The following MGMT variants were observed in gnomAD, a reference collection of about 807,000 sequenced individuals.
MGMT encodes the protein O-6-methylguanine-DNA methyltransferase.
MGMT carries 14 observed loss-of-function variants against 15.9 expected under a neutral mutation model. The ratio of observed to expected loss-of-function variants is 0.88; its 90% CI spans 0.58 to 1.37. The LOEUF (loss-of-function observed/expected upper bound fraction) is 1.37. Among genes scored for constraint, MGMT ranks in the 40% most tolerant of loss-of-function variants. The pLI, the probability that MGMT is intolerant of heterozygous loss-of-function variation, is 0.00. For synonymous variants in MGMT, 130 were observed against 118.2 expected, an observed-to-expected ratio of 1.10 and a Z score of -0.65; for missense variants, 282 against 268.1, an observed-to-expected ratio of 1.05 and a Z score of -0.36.
At chr10:129,742,742 A>G (rs1848649559) in intron 3 of MGMT, among the ~76,000 whole-genome samples, 1 of 150,384 alleles carries the variant, frequency 6.6e-6, no homozygotes, top group African/African-American at 2.5e-5. Context: ...ATAGCAGCCC[A>G]TGCTCAGAGC....
chr10:129,576,184 A>T (rs1386719058), intron 2 of MGMT, among the ~76,000 whole-genome samples: 1 of 152,256 alleles, frequency 6.6e-6, no homozygotes, highest in East Asian at 1.9e-4. Context: ...AACTCATTTT[A>T]TGAGGCCAGC....
chr10:129,614,274 G>T (rs777377031), intron 2 of MGMT, among the ~76,000 whole-genome samples: 23 of 152,194 alleles, frequency 1.5e-4, no homozygotes, highest in Non-Finnish European at 2.6e-4. Flanking sequence ...CCTCAGGCTG[G>T]ATATGGGCTC....
chr10:129,715,043 C>A (rs1320383774), intron 3 of MGMT, among the ~76,000 whole-genome samples: 2 of 152,184 alleles, frequency 1.3e-5, no homozygotes, highest in African/African-American at 4.8e-5. Flanking sequence ...AGCCCTCACA[C>A]AGAGTAATTT....
At chr10:129,534,417 C>A (rs1845964169) in intron 1 of MGMT, among the ~76,000 whole-genome samples, 1 of 152,102 alleles carries the variant, frequency 6.6e-6, no homozygotes, top group South Asian at 2.1e-4. Flanking sequence ...CGGTTCAAAT[C>A]CCTGTCAGTC....
chr10:129,667,945 G>C (rs1847678394), intron 2 of MGMT, among the ~76,000 whole-genome samples: 1 of 152,050 alleles, frequency 6.6e-6, no homozygotes, highest in South Asian at 2.1e-4. Context: ...TTATTGTGTT[G>C]CCTTATATAG....
intron 1 of MGMT, among the ~76,000 whole-genome samples, chr10:129,509,016 G>A (rs1845654102): frequency 6.6e-6 from 1 of 152,152 alleles, no homozygotes; most frequent in South Asian, 2.1e-4. Context: ...AAATAACTTG[G>A]CAGTTATTTG....
chr10:129,632,866 C>T (rs1055283181), intron 2 of MGMT, among the ~76,000 whole-genome samples: 3 of 151,536 alleles, frequency 2.0e-5, no homozygotes, highest in African/African-American at 7.3e-5. Context: ...TTAGATACGA[C>T]GGAATGAGTT....
intron 3 of MGMT, among the ~76,000 whole-genome samples, chr10:129,756,955 C>T (rs751359495): frequency 1.1e-4 from 17 of 152,158 alleles, no homozygotes; most frequent in Admixed American, 2.0e-4. Context: ...TCTTCAAGAA[C>T]GGGTGTCATT....
At chr10:129,558,215 A>G (rs185271189) in intron 2 of MGMT, among the ~76,000 whole-genome samples, 18 of 152,234 alleles carry the variant, frequency 1.2e-4, no homozygotes, top group African/African-American at 3.9e-4. Context: ...GCCAAATATA[A>G]ATGTATAACA....
At chr10:129,716,569 C>T (rs547270780) in intron 3 of MGMT, among the ~76,000 whole-genome samples, 2 of 152,308 alleles carry the variant, frequency 1.3e-5, no homozygotes, top group South Asian at 2.1e-4. Context: ...TCAAGAGACA[C>T]GTCAGGACTT....
intron 3 of MGMT, among the ~76,000 whole-genome samples, chr10:129,755,105 G>T (rs924552902): frequency 6.6e-6 from 1 of 152,228 alleles, no homozygotes; most frequent in Non-Finnish European, 1.5e-5. Context: ...ACTCTTCTCA[G>T]CCCTCACGTA....
rs937161305 is a variant in MGMT, at chr10:129,770,891, T to TC, written c.*3894_*3895insC. Among the ~76,000 whole-genome samples, 2 of 150,534 alleles carry TC rather than the reference T, an allele frequency of 1.3e-5. No homozygotes were observed. The highest frequency in any genetic ancestry group is 2.5e-5 in the African/African-American group (1 of 40,796). On this transcript the variant is annotated 3_prime_UTR_variant, in exon 5 of 5. Transcript: ENST00000651593. ...GGCCCTGGGGTGGGGGATTTAAATT[T>TC]TTGGCTTCCCTCAGACCTCAGACCG... is the stretch of plus-strand genomic sequence containing the variant.
rs777000856 is a variant in MGMT, at chr10:129,711,743, C to A, written c.274+3700C>A. On this transcript the variant is annotated intron_variant, in intron 3 of 4. Transcript: ENST00000651593. Reference sequence around the variant, plus strand: ...CGAGGGCTAGCATCTTGTCGTACAACGTAGCTTTTTAAGGAGGTAATTTTT... The same window carrying A: ...CGAGGGCTAGCATCTTGTCGTACAAAGTAGCTTTTTAAGGAGGTAATTTTT... Among the ~76,000 whole-genome samples, 6 of 152,108 alleles carry A rather than the reference C, an allele frequency of 3.9e-5. No homozygotes were observed. In the South Asian group the frequency reaches 6.2e-4, roughly 16 times the overall value.
At chr10:129,605,255 AT>A (rs1846875181) in intron 2 of MGMT, among the ~76,000 whole-genome samples, 1 of 152,250 alleles carries the variant, frequency 6.6e-6, no homozygotes, top group Non-Finnish European at 1.5e-5. Flanking sequence ...CATTTCAAAC[AT>A]AGTGTAAACT....
chr10:129,670,607 A>G (rs969204842), intron 2 of MGMT, among the ~76,000 whole-genome samples: 2 of 152,238 alleles, frequency 1.3e-5, no homozygotes, highest in African/African-American at 4.8e-5. Context: ...ATCAATAAAA[A>G]TGATAAAACT....
chr10:129,489,462 T>C (rs1564832532), intron 1 of MGMT, among the ~76,000 whole-genome samples: 1 of 151,844 alleles, frequency 6.6e-6, no homozygotes, highest in Non-Finnish European at 1.5e-5. Context: ...GGGCCTTTGC[T>C]CATCCATTCG....
intron 2 of MGMT, among the ~76,000 whole-genome samples, chr10:129,669,757 G>C (rs1847700988): frequency 6.6e-6 from 1 of 152,190 alleles, no homozygotes; most frequent in African/African-American, 2.4e-5. Context: ...TGTGGGAATA[G>C]AAATCTGGAG....
chr10:129,480,841 C>T (rs1315797097), intron 1 of MGMT, among the ~76,000 whole-genome samples: 1 of 152,236 alleles, frequency 6.6e-6, no homozygotes, highest in Non-Finnish European at 1.5e-5. Flanking sequence ...GTCTGAATAA[C>T]TGTTGTTTGT....
At chr10:129,766,449 G>C (rs1367497559) in intron 4 of MGMT, among the ~76,000 whole-genome samples, 1 of 152,224 alleles carries the variant, frequency 6.6e-6, no homozygotes, top group Admixed American at 6.5e-5. Flanking sequence ...GTAGTTTTCA[G>C]TTTTGTAAGC....
Sources: allele counts gnomAD v4.1 joint callset (sites outside exome capture counted in the v4.1 genomes callset), GRCh38; gene constraint gnomAD v4.1.1; transcripts MANE v1.5; gene names NCBI Gene and HGNC (gene_info 2026-07-23, HGNC 2026-07-21).